TLN2: variants seen among roughly 807,000 people sequenced by gnomAD.
The protein encoded by TLN2 is talin-2.
TLN2 carries 118 observed loss-of-function variants against 294.7 expected under a neutral mutation model. That is an observed-to-expected ratio of 0.40 (90% CI 0.34 to 0.47). TLN2 has a LOEUF of 0.47. Among genes scored for constraint, TLN2 ranks in the 20% least tolerant of loss-of-function variants. The pLI is 0.84. For missense variants in TLN2, 3,083 were observed against 3,282.2 expected, an observed-to-expected ratio of 0.94 and a Z score of 1.48; for synonymous variants, 1,431 against 1,304.5, an observed-to-expected ratio of 1.10 and a Z score of -2.09.
At chr15:62,793,964 C>G (rs1005662607) in intron 46 of TLN2, among the ~76,000 whole-genome samples, 6 of 151,972 alleles carry the variant, frequency 3.9e-5, no homozygotes, top group Non-Finnish European at 7.4e-5. Context: ...ACAGGGCTGT[C>G]CAGCCTCCTG....
chr15:62,503,076 T>G (rs1278715328), intron 1 of TLN2, among the ~76,000 whole-genome samples: 1 of 151,224 alleles, frequency 6.6e-6, no homozygotes, highest in Non-Finnish European at 1.5e-5. Flanking sequence ...TCATAGTGCC[T>G]ATGTTTGTGT....
At chr15:62,531,974 T>C (rs990884981) in intron 1 of TLN2, among the ~76,000 whole-genome samples, 21 of 152,202 alleles carry the variant, frequency 1.4e-4, no homozygotes, top group African/African-American at 5.1e-4. Context: ...TGATCCATCA[T>C]GGAAAGAAGA....
At chr15:62,804,647 G>A (rs1016481579) in intron 50 of TLN2, among the ~76,000 whole-genome samples, 2 of 152,166 alleles carry the variant, frequency 1.3e-5, no homozygotes, top group Non-Finnish European at 2.9e-5. Context: ...AGGACTCTAC[G>A]TGTGGCCTTC....
intron 1 of TLN2, among the ~76,000 whole-genome samples, chr15:62,453,258 ATTTT>A (rs35433926): frequency 7.0e-6 from 1 of 143,432 alleles, no homozygotes. Flanking sequence ...TTGTCAACCT[ATTTT>A]TTTTTTTTTT....
chr15:62,650,283 TTAA>T, intron 5 of TLN2, 102 bp downstream of exon 5: 3 of 1,197,850 alleles, frequency 2.5e-6, no homozygotes, highest in Non-Finnish European at 2.4e-6. Context: ...GGGCATCTTA[TTAA>T]TAGTTCGATG....
At chr15:62,774,449 A>G (rs1410593067) in intron 42 of TLN2, among the ~76,000 whole-genome samples, 1 of 152,136 alleles carries the variant, frequency 6.6e-6, no homozygotes, top group Non-Finnish European at 1.5e-5. Context: ...TTGAGATCCA[A>G]CTGTGTCTTT....
intron 37 of TLN2, among the ~76,000 whole-genome samples, chr15:62,759,714 C>T (rs1177639897): frequency 1.3e-5 from 2 of 152,128 alleles, no homozygotes; most frequent in Admixed American, 6.5e-5. Context: ...AGCTGGAAGT[C>T]GTGTGATCCC....
chr15:62,555,015 C>T (rs1280064549), intron 1 of TLN2, among the ~76,000 whole-genome samples: 2 of 150,258 alleles, frequency 1.3e-5, no homozygotes, highest in Non-Finnish European at 3.0e-5. Context: ...ACACCCTTCT[C>T]ACTGGTTAGG....
In TLN2 at chr15:62,738,246, C is replaced by A. The variant is rs141872437; in HGVS notation, c.3600C>A (p.Asn1200Lys). 7 of 1,614,036 alleles carry A rather than the reference C, an allele frequency of 4.3e-6. No homozygotes were observed. Among genetic ancestry groups the A allele is most frequent in the Non-Finnish European group, 5.9e-6 (7 of 1,180,012 alleles). ...AAGCCGTCTCACACTCCTTGAATAACTGCGTAAATTGCCTCCCTGGGCAGA... is the reference window on the plus strand; with the variant it reads ...AAGCCGTCTCACACTCCTTGAATAAATGCGTAAATTGCCTCCCTGGGCAGA... ...VAKAVSHSLN[N>K]CVNCLPGQKD... Residue 1200 changes from asparagine to lysine, a missense_variant, in exon 30 of 59, where the codon AAC becomes AAA. Asn to Lys is a moderately conservative substitution (Grantham distance 94). Coordinates refer to ENST00000636159, the MANE Select transcript of TLN2 (RefSeq NM_015059.3).
At chr15:62,798,568 CCTCTGTTCT>C (rs2065695507) in intron 48 of TLN2, among the ~76,000 whole-genome samples, 1 of 151,092 alleles carries the variant, frequency 6.6e-6, no homozygotes, top group Non-Finnish European at 1.5e-5. Flanking sequence ...AAAAAAAAAA[CCTCTGTTCT>C]CTCTGTTCCC....
At chr15:62,729,473 T>C (rs1488267853) in intron 28 of TLN2, among the ~76,000 whole-genome samples, 1 of 152,252 alleles carries the variant, frequency 6.6e-6, no homozygotes, top group Non-Finnish European at 1.5e-5. Flanking sequence ...TTTATATCAT[T>C]GAGTCTTCTA....
At chr15:62,651,279 A>AT (rs2140943533) in intron 5 of TLN2, among the ~76,000 whole-genome samples, 1 of 152,312 alleles carries the variant, frequency 6.6e-6, no homozygotes, top group East Asian at 1.9e-4. Flanking sequence ...ATTGTAAGGC[A>AT]TAAGTATGAC....
At chr15:62,570,672 T>C (rs1445929327) in intron 1 of TLN2, among the ~76,000 whole-genome samples, 1 of 152,226 alleles carries the variant, frequency 6.6e-6, no homozygotes, top group African/African-American at 2.4e-5. Context: ...TTTTGTCATA[T>C]GGTGCTGTTC....
intron 4 of TLN2, among the ~76,000 whole-genome samples, chr15:62,648,971 G>C (rs2052259471): frequency 1.3e-5 from 2 of 151,932 alleles, no homozygotes; most frequent in Non-Finnish European, 2.9e-5. Flanking sequence ...TCAGCCTCCT[G>C]AATAGATGGG....
chr15:62,756,710 A>G (rs2062275839), intron 37 of TLN2, among the ~76,000 whole-genome samples: 1 of 152,178 alleles, frequency 6.6e-6, no homozygotes. Context: ...AGGATAGGAC[A>G]CTGCACACCT....
rs536344810 is a variant in TLN2, at chr15:62,757,315, C to G, written c.4638+1622C>G. 2.6e-5 allele frequency among the ~76,000 whole-genome samples: 4 copies of G among 152,276 alleles called. No homozygotes were observed. The South Asian group carries it at 8.3e-4, about 32-fold the overall frequency. The stretch of plus-strand genomic sequence containing the variant: ...ATCTCTCCAGCCTGGGAAGAAAGAC[C>G]TTGCTGTGTTTGCAGGGCTTGTGTG... On this transcript the variant is annotated intron_variant, in intron 37 of 58. Transcript: ENST00000636159.
At chr15:62,702,620 G>GTCT (rs1410812785) in intron 18 of TLN2, 146 bp from the exon 19 acceptor site, 1 of 727,512 alleles carries the variant, frequency 1.4e-6, no homozygotes, top group African/African-American at 1.8e-5. Flanking sequence ...TCACCGGGAT[G>GTCT]TCTTCTATCT....
At chr15:62,640,432 G>T in intron 3 of TLN2, 1 of 446,466 alleles carries the variant, frequency 2.2e-6, no homozygotes, top group Non-Finnish European at 4.5e-6. Context: ...CCCCATTGAG[G>T]TATGGTAGCC....
intron 1 of TLN2, among the ~76,000 whole-genome samples, chr15:62,478,337 T>C (rs912536496): frequency 6.6e-6 from 1 of 152,082 alleles, no homozygotes; most frequent in Non-Finnish European, 1.5e-5. Flanking sequence ...ATTATTTGCA[T>C]CCTAGGTTAT....
Sources: allele counts gnomAD v4.1 joint callset (sites outside exome capture counted in the v4.1 genomes callset), GRCh38; gene constraint gnomAD v4.1.1; transcripts MANE v1.5; gene names NCBI Gene and HGNC (gene_info 2026-07-23, HGNC 2026-07-21).